The following TPO variants were observed in gnomAD, a reference collection of about 807,000 sequenced individuals.
The protein encoded by TPO is thyroid microsomal antigen.
In TPO, 78 loss-of-function variants were observed where a neutral mutation model predicts 96.9. The observed-to-expected ratio is 0.81, with a 90% CI of 0.67 to 0.97. The LOEUF is 0.97. Among genes scored for constraint, TPO ranks in the 50% least tolerant of loss-of-function variants. The pLI is 0.00. For missense variants in TPO, 1,252 were observed against 1,274.8 expected (o/e 0.98, Z 0.27); for synonymous variants, 547 against 538.0 (o/e 1.02, Z -0.23).
At chr2:1,471,650 C>G (rs1252606263) in intron 7 of TPO, among the ~76,000 whole-genome samples, 1 of 152,168 alleles carries the variant, frequency 6.6e-6, no homozygotes, top group Non-Finnish European at 1.5e-5. Flanking sequence ...CCTGCTCACT[C>G]CCATGTTCTC....
chr2:1,405,395 A>G lies in TPO; in HGVS notation n.180+30993A>G, dbSNP rs1341640121. On this transcript the variant is annotated intron_variant and non_coding_transcript_variant, in intron 1 of 5. Transcript: ENST00000497517. Reference sequence around the variant, plus strand: ...CATTCACCCATCCACCCCCTCATCCATCCTTTTATTACTCACCCACCCATC... The same window carrying G: ...CATTCACCCATCCACCCCCTCATCCGTCCTTTTATTACTCACCCACCCATC... 2.0e-5 allele frequency among the ~76,000 whole-genome samples: 3 copies of G among 150,842 alleles called. No individual in the cohort carries two copies. In the East Asian group the frequency reaches 5.9e-4, roughly 30 times the overall value.
intron 1 of TPO, among the ~76,000 whole-genome samples, chr2:1,375,466 G>C (rs562857136): frequency 6.6e-6 from 1 of 152,136 alleles, no homozygotes; most frequent in Non-Finnish European, 1.5e-5. Context: ...AACTTTAAAG[G>C]GGAAAGAGCG....
intron 14 of TPO, among the ~76,000 whole-genome samples, chr2:1,505,431 C>T (rs1302852825): frequency 2.1e-5 from 3 of 140,482 alleles, no homozygotes; most frequent in African/African-American, 8.2e-5. Flanking sequence ...CACGCACACC[C>T]TCCCACCCCC....
At chr2:1,403,293 C>T (rs1028485814) in intron 1 of TPO, among the ~76,000 whole-genome samples, 2 of 152,176 alleles carry the variant, frequency 1.3e-5, no homozygotes, top group Non-Finnish European at 2.9e-5. Context: ...CAGGCCATGC[C>T]CGGGCAGCCT....
chr2:1,455,429 T>A (rs1232428193), intron 6 of TPO, among the ~76,000 whole-genome samples: 3 of 151,992 alleles, frequency 2.0e-5, no homozygotes, highest in Non-Finnish European at 4.4e-5. Context: ...CCAATCCAAA[T>A]CTCACCACAT....
At chr2:1,376,534 C>T (rs1480595562) in intron 1 of TPO, among the ~76,000 whole-genome samples, 5 of 152,120 alleles carry the variant, frequency 3.3e-5, no homozygotes, top group South Asian at 4.2e-4. Context: ...GGGGCATTCG[C>T]GGGAGCACCA....
intron 5 of TPO, among the ~76,000 whole-genome samples, chr2:1,450,433 C>T (rs1290797723): frequency 6.6e-6 from 1 of 152,188 alleles, no homozygotes; most frequent in Non-Finnish European, 1.5e-5. Context: ...GAGCACAGAC[C>T]TCAGTCTCCC....
chr2:1,458,245 G>GC (rs1668055916), intron 7 of TPO, among the ~76,000 whole-genome samples: 1 of 129,546 alleles, frequency 7.7e-6, no homozygotes, highest in African/African-American at 3.0e-5. Context: ...GTGTATATAG[G>GC]ATATAAGATA....
intron 8 of TPO, among the ~76,000 whole-genome samples, chr2:1,483,764 G>A (rs1670861951): frequency 6.6e-6 from 1 of 152,186 alleles, no homozygotes; most frequent in African/African-American, 2.4e-5. Context: ...GAGGGCAGGT[G>A]CACCTTCAGT....
intron 8 of TPO, chr2:1,477,837 A>C (rs1670130386): frequency 1.0e-6 from 1 of 985,104 alleles, no homozygotes; most frequent in African/African-American, 1.7e-5. Context: ...CCGAAGGGTA[A>C]CTCCGGAGCT....
intron 13 of TPO, among the ~76,000 whole-genome samples, chr2:1,501,221 C>A (rs931198759): frequency 6.6e-6 from 1 of 152,234 alleles, no homozygotes; most frequent in African/African-American, 2.4e-5. Context: ...GGAGACTGGA[C>A]ACCACAGCCA....
chr2:1,489,898 C>T (rs1166058907), intron 10 of TPO, among the ~76,000 whole-genome samples: 2 of 152,216 alleles, frequency 1.3e-5, no homozygotes, highest in Non-Finnish European at 2.9e-5. Context: ...GCGTTGGGGA[C>T]GCAAACACGA....
intron 15 of TPO, among the ~76,000 whole-genome samples, chr2:1,537,474 AT>A (rs55932954): frequency 0.048 from 5,359 of 111,020 alleles, 8 homozygotes; most frequent in Non-Finnish European, 0.052. Flanking sequence ...ACCTCCTCAA[AT>A]TCTTCCACTC....
At chr2:1,502,588 C>G (rs910444302) in intron 13 of TPO, among the ~76,000 whole-genome samples, 12 of 152,052 alleles carry the variant, frequency 7.9e-5, no homozygotes, top group Non-Finnish European at 1.8e-4. Context: ...TGGGATTTCA[C>G]CATGTTGGCC....
At chr2:1,380,499 T>G (rs1380316048) in intron 1 of TPO, among the ~76,000 whole-genome samples, 1 of 152,012 alleles carries the variant, frequency 6.6e-6, no homozygotes, top group Non-Finnish European at 1.5e-5. Context: ...AAAAAAAAAT[T>G]CTATATTTGA....
intron 7 of TPO, among the ~76,000 whole-genome samples, chr2:1,475,257 T>C (rs1669783501): frequency 6.6e-6 from 1 of 152,168 alleles, no homozygotes; most frequent in African/African-American, 2.4e-5. Context: ...CTGTATATTC[T>C]GAAGGGCGTG....
intron 15 of TPO, among the ~76,000 whole-genome samples, chr2:1,533,245 C>A (rs1290755359): frequency 1.2e-4 from 9 of 72,446 alleles, no homozygotes; most frequent in East Asian, 1.1e-3. Flanking sequence ...CTCCCCAAAT[C>A]CCCCACACTA....
rs1670970436 is a variant in TPO at position 1,484,776 on chromosome 2, A to C, written c.1519A>C (p.Ser507Arg). ...CCCGCTGGTGAGGAGGCTGGACGCC[A>C]GCTTCCAGGAGCACCCCGACCTGCC... ...IHPLVRRLDA[S>R]FQEHPDLPGL... The change falls in exon 9 of 17, where the codon AGC becomes CGC. Residue 507 changes from serine (S) to arginine (R), a missense_variant. Coordinates refer to ENST00000329066, the MANE Select transcript of TPO (RefSeq NM_001206744.2). 1 of 1,613,950 alleles carries C rather than the reference A, an allele frequency of 6.2e-7. No homozygotes were observed. The highest frequency in any genetic ancestry group is 8.5e-7 in the Non-Finnish European group (1 of 1,180,030).
chr2:1,378,868 C>G (rs1197005304), intron 1 of TPO, among the ~76,000 whole-genome samples: 2 of 151,796 alleles, frequency 1.3e-5, no homozygotes, highest in Admixed American at 6.5e-5. Flanking sequence ...CTGCCTCCCC[C>G]TGTTCTGGGG....
Sources: allele counts gnomAD v4.1 joint callset (sites outside exome capture counted in the v4.1 genomes callset), GRCh38; gene constraint gnomAD v4.1.1; transcripts MANE v1.5; gene names NCBI Gene and HGNC (gene_info 2026-07-23, HGNC 2026-07-21).